The following CCDC7 variants were observed in gnomAD, a reference collection of about 807,000 sequenced individuals.
CCDC7 encodes the protein coiled-coil domain-containing protein 7.
CCDC7 carries 183 observed loss-of-function variants against 196.9 expected under a neutral mutation model. The observed-to-expected ratio is 0.93, with a 90% CI of 0.82 to 1.05. CCDC7 has a LOEUF of 1.05. Ranked by LOEUF, CCDC7 falls within the 50% of genes least tolerant of loss-of-function variation. The probability of loss-of-function intolerance (pLI) is 0.00; values close to 1 mark genes in which losing one functional copy is unlikely to be tolerated. For missense variants in CCDC7, 1,540 were observed against 1,482.2 expected (o/e 1.04, Z -0.64); for synonymous variants, 525 against 484.6 (o/e 1.08, Z -1.10).
intron 9 of CCDC7, among the ~76,000 whole-genome samples, chr10:32,500,220 C>G (rs2043702807): frequency 6.7e-6 from 1 of 149,674 alleles, no homozygotes; most frequent in Non-Finnish European, 1.5e-5. Context: ...GGCGGCCGGC[C>G]TGGCGGGGGC....
At chr10:32,600,687 C>A (rs193137442) in intron 18 of CCDC7, among the ~76,000 whole-genome samples, 2 of 152,184 alleles carry the variant, frequency 1.3e-5, no homozygotes, top group East Asian at 3.9e-4. Flanking sequence ...ATATTGCATA[C>A]CCAATAATGG....
At chr10:32,774,906 G>C (rs544216881) in intron 28 of CCDC7, among the ~76,000 whole-genome samples, 2 of 152,086 alleles carry the variant, frequency 1.3e-5, no homozygotes, top group Non-Finnish European at 2.9e-5. Context: ...TCCAGGTTTG[G>C]TATCATATTA....
intron 41 of CCDC7, among the ~76,000 whole-genome samples, chr10:32,872,741 C>G (rs1256846869): frequency 2.6e-5 from 4 of 152,042 alleles, no homozygotes; most frequent in Admixed American, 2.0e-4. Context: ...CTGGTGGTGA[C>G]AAAATCTCTC....
chr10:32,764,180 A>T (rs1406990697), intron 28 of CCDC7, among the ~76,000 whole-genome samples: 1 of 151,642 alleles, frequency 6.6e-6, no homozygotes, highest in Non-Finnish European at 1.5e-5. Context: ...ACCTTGCAAA[A>T]CACTTCTGAT....
intron 16 of CCDC7, chr10:32,574,656 T>C: frequency 2.6e-6 from 1 of 386,706 alleles, no homozygotes; most frequent in Non-Finnish European, 4.2e-6. Flanking sequence ...TCACATCATG[T>C]GCGTTGTTAG....
chr10:32,700,211 G>A (rs941586739), intron 24 of CCDC7, among the ~76,000 whole-genome samples: 11 of 149,018 alleles, frequency 7.4e-5, no homozygotes, highest in African/African-American at 2.1e-4. Flanking sequence ...GTCTTTAATC[G>A]ATCTTGAATT....
intron 21 of CCDC7, among the ~76,000 whole-genome samples, chr10:32,682,746 G>T (rs1288792683): frequency 2.0e-5 from 3 of 152,278 alleles, no homozygotes; most frequent in East Asian, 3.9e-4. Flanking sequence ...CTAATGATTA[G>T]TGATGTTAAG....
At chr10:32,509,131 T>C (rs1564499322) in intron 9 of CCDC7, among the ~76,000 whole-genome samples, 2 of 152,226 alleles carry the variant, frequency 1.3e-5, no homozygotes, top group South Asian at 2.1e-4. Flanking sequence ...CCACTGCACC[T>C]GGCCCTTACT....
At chr10:32,823,583 C>T (rs1412635025) in intron 31 of CCDC7, among the ~76,000 whole-genome samples, 1 of 152,176 alleles carries the variant, frequency 6.6e-6, no homozygotes, top group Admixed American at 6.5e-5. Context: ...GCAAGACTTC[C>T]ACTCTGTCGT....
chr10:32,813,782 T>G (rs1274243284), intron 30 of CCDC7, among the ~76,000 whole-genome samples: 2 of 152,222 alleles, frequency 1.3e-5, no homozygotes, highest in Non-Finnish European at 2.9e-5. Flanking sequence ...AGCATCAGGT[T>G]GTGCATCAGT....
chr10:32,862,137 T>C (rs1473281858), intron 41 of CCDC7, among the ~76,000 whole-genome samples: 1 of 152,152 alleles, frequency 6.6e-6, no homozygotes, highest in Non-Finnish European at 1.5e-5. Flanking sequence ...TGCAGCACTA[T>C]TTACAATAGC....
intron 14 of CCDC7, among the ~76,000 whole-genome samples, chr10:32,566,845 AG>A (rs1297007082): frequency 6.7e-6 from 1 of 148,694 alleles, no homozygotes; most frequent in Non-Finnish European, 1.5e-5. Flanking sequence ...CCAGGAGACT[AG>A]AGGTTGCAAA....
intron 20 of CCDC7, among the ~76,000 whole-genome samples, chr10:32,648,758 C>T (rs142105542): frequency 9.6e-4 from 146 of 152,266 alleles, no homozygotes; most frequent in Non-Finnish European, 1.2e-3. Context: ...ATTTCTCTAA[C>T]GATCAGAGAT....
At chr10:32,842,392 A>C (rs544645188) in intron 33 of CCDC7, among the ~76,000 whole-genome samples, 8 of 152,170 alleles carry the variant, frequency 5.3e-5, no homozygotes, top group South Asian at 4.1e-4. Flanking sequence ...ACCATAATGC[A>C]ATACCATCTC....
chr10:32,594,753 G>T (rs1165664760), intron 18 of CCDC7, among the ~76,000 whole-genome samples: 1 of 152,084 alleles, frequency 6.6e-6, no homozygotes, highest in African/African-American at 2.4e-5. Flanking sequence ...AGAGTTTTTA[G>T]CATGAAGCGC....
intron 28 of CCDC7, among the ~76,000 whole-genome samples, chr10:32,732,755 AC>A (rs375277179): frequency 1.6e-4 from 24 of 152,210 alleles, no homozygotes; most frequent in African/African-American, 5.3e-4. Context: ...TCCCCCACCT[AC>A]ATGTAGCATT....
At chr10:32,698,822 G>A (rs573980674) in intron 24 of CCDC7, among the ~76,000 whole-genome samples, 246 of 152,292 alleles carry the variant, frequency 1.6e-3, no homozygotes, top group African/African-American at 4.8e-3. Flanking sequence ...TAGCAAGGCA[G>A]GCCAACATTC....
chr10:32,716,375 C>T (rs1002979792), intron 25 of CCDC7, among the ~76,000 whole-genome samples: 1 of 152,174 alleles, frequency 6.6e-6, no homozygotes, highest in Non-Finnish European at 1.5e-5. Context: ...CACAGGCCTG[C>T]CTTACAAGAG....
Position 32,519,579 on chromosome 10 carries a change from A to T in CCDC7, c.993+1074A>T, listed in dbSNP as rs1012007610. Among the ~76,000 whole-genome samples, 33 of 86,096 alleles carry T rather than the reference A, an allele frequency of 3.8e-4. No individual in the cohort carries two copies. The Admixed American group carries it at 5.3e-3, about 14-fold the overall frequency. The allele number at this position is 86,096 out of a possible 152,430, so 56.5% of individuals were successfully genotyped here. A position where few individuals can be genotyped will look rare whatever the true frequency, so the allele number is the denominator to read the frequency against. On this transcript the variant is annotated intron_variant, in intron 11 of 41. Transcript: ENST00000639629. ...CTCTTACCCATTCTTTAAAACATTT[A>T]AAAAAATTTTTATTTTTGTGGGTAC...
Sources: allele counts gnomAD v4.1 joint callset (sites outside exome capture counted in the v4.1 genomes callset), GRCh38; gene constraint gnomAD v4.1.1; transcripts MANE v1.5; gene names NCBI Gene and HGNC (gene_info 2026-07-23, HGNC 2026-07-21).